Variants in RARB observed in about 807,000 individuals in gnomAD.
The protein encoded by RARB is HBV-activated protein.
RARB carries 17 observed loss-of-function variants against 51.9 expected under a neutral mutation model. That is an observed-to-expected ratio of 0.33 (90% CI 0.22 to 0.49). The LOEUF (loss-of-function observed/expected upper bound fraction) is 0.49, where lower values mean the gene tolerates loss of function less well. Among genes scored for constraint, RARB ranks in the 20% least tolerant of loss-of-function variants. The pLI, the probability that RARB is intolerant of heterozygous loss-of-function variation, is 0.99. For missense variants in RARB, 369 were observed against 550.8 expected, an observed-to-expected ratio of 0.67 and a Z score of 3.30; for synonymous variants, 215 against 195.4, an observed-to-expected ratio of 1.10 and a Z score of -0.84.
At chr3:25,433,670 G>C (rs1473781673) in intron 1 of RARB, among the ~76,000 whole-genome samples, 1 of 152,170 alleles carries the variant, frequency 6.6e-6, no homozygotes, top group African/African-American at 2.4e-5. Context: ...CTGCTTGTAA[G>C]TGGCTTGGTC....
At chr3:25,145,426 C>T (rs188233085) in intron 4 of RARB, among the ~76,000 whole-genome samples, 152 of 152,160 alleles carry the variant, frequency 1.0e-3, no homozygotes, top group Admixed American at 3.9e-3. Flanking sequence ...ATCATAATGC[C>T]ACATGTCTGG....
At chr3:25,459,447 G>T (rs1458775140) in intron 1 of RARB, among the ~76,000 whole-genome samples, 2 of 152,198 alleles carry the variant, frequency 1.3e-5, no homozygotes, top group Admixed American at 1.3e-4. Context: ...ATACTAAGGA[G>T]TTTGACTTTG....
At chr3:25,069,707 A>C (rs564477797) in intron 3 of RARB, among the ~76,000 whole-genome samples, 1 of 152,314 alleles carries the variant, frequency 6.6e-6, no homozygotes, top group African/African-American at 2.4e-5. Context: ...CTGAAAGCGG[A>C]GGGGGAGGCA....
chr3:25,131,406 C>T (rs1475895174), intron 3 of RARB, among the ~76,000 whole-genome samples: 1 of 151,948 alleles, frequency 6.6e-6, no homozygotes, highest in Admixed American at 6.6e-5. Context: ...TTGGCAAAGC[C>T]TTGTTTCTTT....
intron 5 of RARB, among the ~76,000 whole-genome samples, chr3:25,403,461 G>T (rs1025059893): frequency 6.6e-6 from 1 of 151,938 alleles, no homozygotes; most frequent in East Asian, 1.9e-4. Context: ...AAACAAAAAA[G>T]TAAGGCCATG....
chr3:25,387,088 A>T (rs922694972), intron 5 of RARB, among the ~76,000 whole-genome samples: 1 of 152,154 alleles, frequency 6.6e-6, no homozygotes, highest in Admixed American at 6.5e-5. Flanking sequence ...TCTGTTAGCA[A>T]TTGTCACTCT....
chr3:24,986,014 C>T (rs1295782566), intron 2 of RARB, among the ~76,000 whole-genome samples: 7 of 152,218 alleles, frequency 4.6e-5, no homozygotes, highest in Admixed American at 6.5e-5. Context: ...TATGAGCATA[C>T]TTTTCTCCCC....
At chr3:24,937,347 C>T (rs1480644769) in intron 2 of RARB, among the ~76,000 whole-genome samples, 2 of 152,120 alleles carry the variant, frequency 1.3e-5, no homozygotes, top group Non-Finnish European at 2.9e-5. Context: ...CATCAACACA[C>T]CCAGTTCTCT....
At chr3:24,959,082 C>A (rs913445736) in intron 2 of RARB, among the ~76,000 whole-genome samples, 3 of 152,166 alleles carry the variant, frequency 2.0e-5, no homozygotes, top group African/African-American at 7.2e-5. Context: ...AGAGGGCATG[C>A]GTTACAGTGC....
chr3:25,050,973 T>TA (rs1698321603), intron 2 of RARB, among the ~76,000 whole-genome samples: 1 of 152,204 alleles, frequency 6.6e-6, no homozygotes, highest in African/African-American at 2.4e-5. Context: ...TTCCAGCTTC[T>TA]AAAAATTTGA....
At chr3:25,472,475 T>A (rs956697336) in intron 2 of RARB, among the ~76,000 whole-genome samples, 2 of 152,214 alleles carry the variant, frequency 1.3e-5, no homozygotes, top group Non-Finnish European at 2.9e-5. Flanking sequence ...AATTATGGAT[T>A]TGGTGAAGAG....
In RARB at chr3:25,174,604, T is replaced by C. The variant is rs764310379; in HGVS notation, c.178+29T>C. The C allele has an allele frequency of 3.7e-6, 5 of 1,350,564 alleles. No homozygotes were observed. In the South Asian group the frequency reaches 5.7e-5, roughly 15 times the overall value. 83.7% of individuals were successfully genotyped at this position (1,350,564 alleles called of 1,614,324 possible). ...AGTCCTGCTGGAATTTGCTCTCTTT[T>C]CTCTGGGTTGATTGGATGAAGGGAC... On this transcript the variant is annotated intron_variant, in intron 5 of 11. Coordinates refer to the RARB transcript ENST00000383772.
chr3:25,402,061 C>G (rs7639526), intron 5 of RARB, among the ~76,000 whole-genome samples: 98,977 of 151,978 alleles, frequency 0.65, 32,468 homozygotes, highest in East Asian at 0.83. Flanking sequence ...CAGGAGTGAG[C>G]CACTGCACCC....
At chr3:25,232,030 A>G (rs1040880228) in intron 5 of RARB, among the ~76,000 whole-genome samples, 2 of 152,026 alleles carry the variant, frequency 1.3e-5, no homozygotes, top group Non-Finnish European at 2.9e-5. Flanking sequence ...TAATATTTAG[A>G]TCTATGAGGT....
intron 1 of RARB, among the ~76,000 whole-genome samples, chr3:24,838,671 G>A (rs912350454): frequency 1.3e-5 from 2 of 152,136 alleles, no homozygotes; most frequent in Non-Finnish European, 2.9e-5. Context: ...CAAAAAGTAA[G>A]CTTAAATAAA....
chr3:25,353,524 TCTTAA>T (rs751150132), intron 5 of RARB, among the ~76,000 whole-genome samples: 67 of 152,272 alleles, frequency 4.4e-4, no homozygotes, highest in Non-Finnish European at 7.8e-4. Flanking sequence ...TAATTTTTTC[TCTTAA>T]CTTGTTAAAA....
intron 2 of RARB, among the ~76,000 whole-genome samples, chr3:24,920,453 T>G (rs1184304074): frequency 6.6e-6 from 1 of 152,244 alleles, no homozygotes. Flanking sequence ...TCTCCAATTT[T>G]CCAGATCTCC....
chr3:24,923,969 A>G (rs978485139), intron 2 of RARB, among the ~76,000 whole-genome samples: 2 of 152,144 alleles, frequency 1.3e-5, no homozygotes, highest in African/African-American at 2.4e-5. Flanking sequence ...GTGAAATAAT[A>G]TCATTTTACA....
At chr3:25,199,612 C>A (rs1290948191) in intron 5 of RARB, among the ~76,000 whole-genome samples, 1 of 152,148 alleles carries the variant, frequency 6.6e-6, no homozygotes, top group Non-Finnish European at 1.5e-5. Flanking sequence ...GACACCACAA[C>A]AGGCACTGGT....
Sources: allele counts gnomAD v4.1 joint callset (sites outside exome capture counted in the v4.1 genomes callset), GRCh38; gene constraint gnomAD v4.1.1; transcripts MANE v1.5; gene names NCBI Gene and HGNC (gene_info 2026-07-23, HGNC 2026-07-21).